The following PIWIL2 variants were observed in gnomAD, a reference collection of about 807,000 sequenced individuals.
The protein encoded by PIWIL2 is piwi-like protein 2.
In PIWIL2, 81 loss-of-function variants were observed where a neutral mutation model predicts 116.5. The observed-to-expected ratio is 0.70, with a 90% confidence interval of 0.58 to 0.84. PIWIL2 has a LOEUF of 0.84. Ranked by LOEUF, PIWIL2 falls within the 40% of genes least tolerant of loss-of-function variation. PIWIL2 has a pLI of 0.00. For synonymous variants in PIWIL2, 489 were observed against 429.5 expected, an observed-to-expected ratio of 1.14 and a Z score of -1.71; for missense variants, 1,272 against 1,212.3, an observed-to-expected ratio of 1.05 and a Z score of -0.73.
intron 20 of PIWIL2, among the ~76,000 whole-genome samples, chr8:22,321,119 A>G (rs1831588168): frequency 6.6e-6 from 1 of 152,240 alleles, no homozygotes; most frequent in Non-Finnish European, 1.5e-5. Context: ...AGATCAAAGA[A>G]AAAATAAATT....
intron 6 of PIWIL2, among the ~76,000 whole-genome samples, chr8:22,284,644 T>TC (rs1219462803): frequency 9.5e-6 from 1 of 105,238 alleles, no homozygotes; most frequent in Non-Finnish European, 2.0e-5. Context: ...CCCTCCCCCC[T>TC]CCCCCATCAG....
Position 22,308,064 on chromosome 8 carries a change from T to A in PIWIL2, c.1677T>A (p.Asp559Glu). The A allele has an allele frequency of 6.2e-7, 1 of 1,613,826 alleles. No homozygotes were observed. The highest frequency in any genetic ancestry group is 8.5e-7 in the Non-Finnish European group (1 of 1,179,844). The change falls in exon 14 of 23, where the codon GAT (aspartate) becomes GAA (glutamate). Residue 559 changes from aspartate (D) to glutamate (E), a missense_variant. Physicochemically the swap from Asp to Glu is conservative, Grantham distance 45. Transcript: ENST00000356766. ...LMRWGLRLQKDVHKIEGRVLP... is the reference protein window; with the variant it reads ...LMRWGLRLQKEVHKIEGRVLP... The stretch of plus-strand genomic sequence containing the variant: ...GTTGGGGGCTCCGTCTGCAAAAGGA[T>A]GTACATAAGGTAAACCAAAAAACGT...
intron 20 of PIWIL2, among the ~76,000 whole-genome samples, chr8:22,351,514 GT>G (rs1263470628): frequency 1.7e-5 from 2 of 117,472 alleles, no homozygotes; most frequent in African/African-American, 6.0e-5. Flanking sequence ...CATAATTTAG[GT>G]TTTTTTGGTG....
chr8:22,278,829 G>A (rs1373550781), intron 1 of PIWIL2, among the ~76,000 whole-genome samples: 1 of 152,138 alleles, frequency 6.6e-6, no homozygotes, highest in Non-Finnish European at 1.5e-5. Context: ...AAACCCTCTT[G>A]TGAACTTCGC....
intron 1 of PIWIL2, among the ~76,000 whole-genome samples, chr8:22,277,675 A>T (rs965954903): frequency 1.1e-4 from 17 of 151,978 alleles, no homozygotes; most frequent in Non-Finnish European, 2.2e-4. Context: ...GTGTGTGCTC[A>T]GCCTGAAGGA....
Position 22,320,292 on chromosome 8 carries a change from C to T in PIWIL2, c.2403+2017C>T, listed in dbSNP as rs1057004401. 5.4e-5 allele frequency among the ~76,000 whole-genome samples: 6 copies of T among 111,020 alleles called. No individual in the cohort carries two copies. In the South Asian group the frequency reaches 1.0e-3, roughly 19 times the overall value. 72.8% of individuals were successfully genotyped at this position (111,020 alleles called of 152,430 possible). A position where few individuals can be genotyped will look rare whatever the true frequency, so the allele number is the denominator to read the frequency against. The stretch of plus-strand genomic sequence containing the variant: ...TTTTTTTTTTTTTTTGAGACGGAGT[C>T]TCACTCTGTAACCCAGGCTGGAGTA... On this transcript the variant is annotated intron_variant, in intron 20 of 22. Transcript: ENST00000356766.
intron 4 of PIWIL2, among the ~76,000 whole-genome samples, chr8:22,281,766 GA>G (rs1353845949): frequency 1.4e-5 from 2 of 144,360 alleles, no homozygotes; most frequent in Non-Finnish European, 3.0e-5. Context: ...TGATCATGGT[GA>G]TTTTTTTTTT....
chr8:22,294,336 TAA>T (rs71544871), intron 10 of PIWIL2, among the ~76,000 whole-genome samples: 14 of 80,672 alleles, frequency 1.7e-4, no homozygotes, highest in Admixed American at 1.8e-4. Context: ...AGACTGTCTT[TAA>T]AAAAAAAAAA....
At chr8:22,281,639 T>C (rs996980887) in intron 4 of PIWIL2, 124 bp downstream of exon 4, 4 of 792,424 alleles carry the variant, frequency 5.0e-6, no homozygotes, top group Non-Finnish European at 7.5e-6. Context: ...TATTAAAGAA[T>C]GCATATTTCT....
chr8:22,323,599 A>G (rs189146856), intron 20 of PIWIL2, among the ~76,000 whole-genome samples: 1 of 152,292 alleles, frequency 6.6e-6, no homozygotes, highest in East Asian at 1.9e-4. Context: ...ACAATTGATT[A>G]TTAATATCAG....
intron 1 of PIWIL2, among the ~76,000 whole-genome samples, chr8:22,279,004 A>G (rs927203253): frequency 1.3e-5 from 2 of 152,194 alleles, no homozygotes; most frequent in Non-Finnish European, 1.5e-5. Context: ...ATATTTCATT[A>G]TCTATTATAA....
At chr8:22,338,691 AAAATAAATAAATAAAT>A (rs71544880) in intron 20 of PIWIL2, among the ~76,000 whole-genome samples, 5 of 150,078 alleles carry the variant, frequency 3.3e-5, no homozygotes, top group Middle Eastern at 3.4e-3. Flanking sequence ...CTCCATCTCA[AAAATAAATAAATAAAT>A]AAATAAATAA....
intron 4 of PIWIL2, among the ~76,000 whole-genome samples, chr8:22,282,488 G>T (rs574881994): frequency 4.0e-5 from 6 of 151,708 alleles, no homozygotes; most frequent in African/African-American, 7.3e-5. Context: ...GCACGCAGCC[G>T]TGGTGATTCT....
intron 6 of PIWIL2, 119 bp downstream of exon 6, chr8:22,284,391 G>C: frequency 1.9e-6 from 1 of 530,876 alleles, no homozygotes; most frequent in Admixed American, 3.7e-5. Context: ...ATGCAATAAT[G>C]TGTTTACTCA....
intron 20 of PIWIL2, among the ~76,000 whole-genome samples, chr8:22,324,205 T>A (rs1471305049): frequency 6.6e-6 from 1 of 152,216 alleles, no homozygotes; most frequent in African/African-American, 2.4e-5. Context: ...AAGGTTGTAG[T>A]GTGCCAAGAT....
At chr8:22,340,235 T>C (rs554551010) in intron 20 of PIWIL2, among the ~76,000 whole-genome samples, 3 of 151,982 alleles carry the variant, frequency 2.0e-5, no homozygotes, top group Admixed American at 6.6e-5. Flanking sequence ...TTTTGTATTT[T>C]TAGTAGAGAC....
chr8:22,278,176 AAGG>A (rs1485761405), intron 1 of PIWIL2, among the ~76,000 whole-genome samples: 1 of 151,376 alleles, frequency 6.6e-6, no homozygotes, highest in East Asian at 2.0e-4. Flanking sequence ...CTAAAAAAAA[AAGG>A]GGGGGAGGAA....
intron 14 of PIWIL2, among the ~76,000 whole-genome samples, chr8:22,309,023 G>A (rs1009735557): frequency 1.3e-5 from 2 of 151,190 alleles, no homozygotes; most frequent in African/African-American, 2.4e-5. Flanking sequence ...GTGTAATGGC[G>A]CAATCTCGGC....
At chr8:22,311,534 T>C (rs996901593) in intron 16 of PIWIL2, among the ~76,000 whole-genome samples, 1 of 152,218 alleles carries the variant, frequency 6.6e-6, no homozygotes, top group African/African-American at 2.4e-5. Context: ...CTTACGTAAC[T>C]GGCTGAGAGA....
Sources: gnomAD v4.1 joint callset for allele counts (sites outside exome capture counted in the v4.1 genomes callset) on GRCh38, gnomAD v4.1.1 for gene constraint, MANE v1.5 for transcripts, NCBI Gene and HGNC (gene_info 2026-07-23, HGNC 2026-07-21) for gene names.